The following NSL1 variants were observed in gnomAD, a reference collection of about 807,000 sequenced individuals.
NSL1 encodes NSL1 component of MIS12 kinetochore complex.
In NSL1, 11 loss-of-function variants were observed where a neutral mutation model predicts 25.4. The observed-to-expected ratio is 0.43, with a 90% CI of 0.27 to 0.72. The LOEUF (loss-of-function observed/expected upper bound fraction) is 0.72, where lower values mean the gene tolerates loss of function less well. Among genes scored for constraint, NSL1 ranks in the 30% least tolerant of loss-of-function variants. The pLI, the probability that NSL1 is intolerant of heterozygous loss-of-function variation, is 0.19. For missense variants in NSL1, 330 were observed against 342.7 expected (o/e 0.96, Z 0.29); for synonymous variants, 118 against 120.6 (o/e 0.98, Z 0.14).
intron 4 of NSL1, among the ~76,000 whole-genome samples, chr1:212,769,253 T>C (rs2456827): frequency 0.2 from 29,876 of 152,094 alleles, 3,938 homozygotes; most frequent in Admixed American, 0.41. Flanking sequence ...CACATACAGA[T>C]ACAGGAAGCT....
intron 4 of NSL1, among the ~76,000 whole-genome samples, chr1:212,764,815 C>T (rs1194124075): frequency 1.5e-4 from 18 of 123,970 alleles, no homozygotes; most frequent in Admixed American, 3.1e-4. Flanking sequence ...CACTGCACTC[C>T]AGCCTGGGTG....
At chr1:212,748,260 T>C (rs1269117736) in intron 4 of NSL1, among the ~76,000 whole-genome samples, 2 of 152,244 alleles carry the variant, frequency 1.3e-5, no homozygotes, top group Non-Finnish European at 2.9e-5. Flanking sequence ...ATGGAACAAC[T>C]GTAACTATCA....
At chr1:212,745,358 A>G (rs113901315) in intron 4 of NSL1, among the ~76,000 whole-genome samples, 3,460 of 152,040 alleles carry the variant, frequency 0.023, 63 homozygotes, top group South Asian at 0.041. Context: ...GCATTTACAC[A>G]TCCAAGAAGC....
At chr1:212,744,419 A>G (rs1658661453) in intron 4 of NSL1, among the ~76,000 whole-genome samples, 1 of 152,238 alleles carries the variant, frequency 6.6e-6, no homozygotes, top group Non-Finnish European at 1.5e-5. Context: ...TCTCATTTCT[A>G]GAGTTACCAT....
chr1:212,785,106 A>G (rs1337404744), intron 2 of NSL1, among the ~76,000 whole-genome samples: 1 of 152,176 alleles, frequency 6.6e-6, no homozygotes. Context: ...AATATCAGGG[A>G]TGCTAAGAAG....
At chr1:212,788,886 A>T (rs1661058621) in intron 1 of NSL1, among the ~76,000 whole-genome samples, 1 of 152,262 alleles carries the variant, frequency 6.6e-6, no homozygotes, top group South Asian at 2.1e-4. Context: ...ATAACAATTC[A>T]TCAGCATGAC....
At chr1:212,750,351 G>A (rs1395541019) in intron 4 of NSL1, among the ~76,000 whole-genome samples, 2 of 151,942 alleles carry the variant, frequency 1.3e-5, no homozygotes, top group Non-Finnish European at 2.9e-5. Flanking sequence ...ATACATCAAA[G>A]ACAAGAGAAT....
At chr1:212,774,244 C>G (rs1470816867) in intron 4 of NSL1, among the ~76,000 whole-genome samples, 1 of 152,048 alleles carries the variant, frequency 6.6e-6, no homozygotes, top group Non-Finnish European at 1.5e-5. Context: ...AAGAGAAGAT[C>G]TGAAATGTTC....
At chr1:212,749,611 C>T (rs1658972027) in intron 4 of NSL1, among the ~76,000 whole-genome samples, 1 of 152,008 alleles carries the variant, frequency 6.6e-6, no homozygotes, top group Admixed American at 6.6e-5. Context: ...TAATTAACAG[C>T]ACTGATAACC....
At chr1:212,766,236 G>C (rs529725621) in intron 4 of NSL1, 3 of 652,376 alleles carry the variant, frequency 4.6e-6, no homozygotes, top group Non-Finnish European at 8.4e-6. Flanking sequence ...CCAACATCAT[G>C]TTGAATGGGG....
intron 3 of NSL1, among the ~76,000 whole-genome samples, chr1:212,783,598 A>G (rs774510313): frequency 2.0e-5 from 3 of 152,242 alleles, no homozygotes; most frequent in Non-Finnish European, 2.9e-5. Flanking sequence ...AGGCAATAGT[A>G]TAGCACAATC....
intron 4 of NSL1, among the ~76,000 whole-genome samples, chr1:212,779,755 G>A (rs1660615805): frequency 3.0e-5 from 3 of 98,976 alleles, no homozygotes; most frequent in Non-Finnish European, 6.5e-5. Context: ...CCCCCGCCCA[G>A]CCAGCCGCCC....
chr1:212,770,236 G>A (rs1191928072), intron 4 of NSL1, among the ~76,000 whole-genome samples: 1 of 152,032 alleles, frequency 6.6e-6, no homozygotes, highest in African/African-American at 2.4e-5. Context: ...CACAATAGTA[G>A]TCAAGGACTT....
intron 4 of NSL1, among the ~76,000 whole-genome samples, chr1:212,778,109 A>C (rs922362002): frequency 2.0e-5 from 3 of 152,238 alleles, no homozygotes; most frequent in Admixed American, 2.0e-4. Flanking sequence ...GGAGCTTGAC[A>C]GAAGAAGGAA....
chr1:212,737,722 G>C lies in NSL1; in HGVS notation c.*686C>G. Reference sequence around the variant, plus strand: ...TAGTTCCAAGTCAAATTATGTTAATGGTCTATAGAAAAAAGTGAGTGTGGG... The same window carrying C: ...TAGTTCCAAGTCAAATTATGTTAATCGTCTATAGAAAAAAGTGAGTGTGGG... On this transcript the variant is annotated 3_prime_UTR_variant, in exon 6 of 6. Coordinates refer to ENST00000366977, the MANE Select transcript of NSL1 (RefSeq NM_015471.4). The C allele has an allele frequency of 4.1e-6, 4 of 978,432 alleles. No individual in the cohort carries two copies. Among genetic ancestry groups the C allele is most frequent in the Non-Finnish European group, 4.9e-6 (4 of 823,616 alleles). 60.6% of individuals were successfully genotyped at this position (978,432 alleles called of 1,614,324 possible). A position where few individuals can be genotyped will look rare whatever the true frequency, so the allele number is the denominator to read the frequency against.
intron 4 of NSL1, among the ~76,000 whole-genome samples, chr1:212,779,859 C>T (rs1185428088): frequency 7.0e-6 from 1 of 142,606 alleles, no homozygotes; most frequent in Non-Finnish European, 1.6e-5. Flanking sequence ...CCCGACCAGC[C>T]GCCCCGTCCG....
chr1:212,754,500 G>A (rs11120011), intron 4 of NSL1, among the ~76,000 whole-genome samples: 61,114 of 151,868 alleles, frequency 0.4, 13,936 homozygotes, highest in Non-Finnish European at 0.51. Flanking sequence ...TAACCAGCCC[G>A]GCGCGGTGGC....
intron 1 of NSL1, among the ~76,000 whole-genome samples, chr1:212,788,800 C>T (rs1661055458): frequency 6.6e-6 from 1 of 152,054 alleles, no homozygotes; most frequent in African/African-American, 2.4e-5. Context: ...CCACGCAGTA[C>T]CTAAAAAGGA....
chr1:212,739,105 G>A (rs555332255), intron 5 of NSL1, among the ~76,000 whole-genome samples: 8 of 152,076 alleles, frequency 5.3e-5, no homozygotes, highest in Non-Finnish European at 1.0e-4. Flanking sequence ...ACTTATGTGC[G>A]CAACCTGCTT....
Sources: gnomAD v4.1 joint callset for allele counts (sites outside exome capture counted in the v4.1 genomes callset) on GRCh38, gnomAD v4.1.1 for gene constraint, MANE v1.5 for transcripts, NCBI Gene and HGNC (gene_info 2026-07-23, HGNC 2026-07-21) for gene names.